VRK2: variants seen among roughly 807,000 people sequenced by gnomAD.
VRK2 encodes the protein serine/threonine-protein kinase VRK2.
Under a neutral mutation model 57.6 loss-of-function variants are expected in VRK2, and 60 were observed. The ratio of observed to expected loss-of-function variants is 1.04; its 90% CI spans 0.85 to 1.29. The LOEUF (loss-of-function observed/expected upper bound fraction) is 1.29, where lower values mean the gene tolerates loss of function less well. VRK2 is among the 50% of genes most tolerant of loss of function. The probability of loss-of-function intolerance (pLI) is 0.00; values close to 1 mark genes in which losing one functional copy is unlikely to be tolerated. For missense variants in VRK2, 705 were observed against 588.1 expected (o/e 1.20, Z -2.06); for synonymous variants, 231 against 199.2 (o/e 1.16, Z -1.35).
chr2:57,973,202 G>C (rs965496481), intron 1 of VRK2, among the ~76,000 whole-genome samples: 3 of 151,770 alleles, frequency 2.0e-5, no homozygotes, highest in African/African-American at 7.3e-5. Context: ...TTGGATTTTT[G>C]CCAACCTGAT....
chr2:58,134,667 C>T (rs960717072), intron 9 of VRK2, among the ~76,000 whole-genome samples: 1 of 151,976 alleles, frequency 6.6e-6, no homozygotes, highest in South Asian at 2.1e-4. Context: ...TGGATCCCCC[C>T]GCCCCAGTTC....
intron 10 of VRK2, among the ~76,000 whole-genome samples, chr2:58,136,078 TAG>T (rs1448260074): frequency 2.6e-5 from 4 of 152,206 alleles, no homozygotes; most frequent in African/African-American, 7.2e-5. Context: ...GGTTGAGAAT[TAG>T]AGAGTTAAGT....
At chr2:58,045,938 G>A (rs1292962448), upstream of VRK2, among the ~76,000 whole-genome samples, 1 of 152,070 alleles carries the variant, frequency 6.6e-6, no homozygotes, top group Admixed American at 6.5e-5. Context: ...CTGCTTCCTG[G>A]GTTCAAGCGC....
chr2:58,077,105 CT>C (rs1161961713), intron 2 of VRK2, among the ~76,000 whole-genome samples: 2 of 151,938 alleles, frequency 1.3e-5, no homozygotes, highest in Non-Finnish European at 2.9e-5. Context: ...TTATCATTGT[CT>C]CTGTAACTCC....
chr2:57,917,621 TG>T (rs1314380984), intron 1 of VRK2, among the ~76,000 whole-genome samples: 1 of 150,982 alleles, frequency 6.6e-6, no homozygotes, highest in African/African-American at 2.4e-5. Context: ...ATATTTAGTT[TG>T]GGGTAATGGT....
chr2:57,947,641 A>T (rs936350652), intron 1 of VRK2, among the ~76,000 whole-genome samples: 2 of 152,198 alleles, frequency 1.3e-5, no homozygotes, highest in African/African-American at 4.8e-5. Context: ...TTAGTTCAAC[A>T]CAGCTCCTAC....
chr2:57,957,879 G>T (rs1456831327), intron 1 of VRK2, among the ~76,000 whole-genome samples: 1 of 152,082 alleles, frequency 6.6e-6, no homozygotes, highest in East Asian at 1.9e-4. Flanking sequence ...GAAAGCACCT[G>T]AAACAATAGA....
chr2:57,932,767 T>C (rs1189355065), intron 1 of VRK2, among the ~76,000 whole-genome samples: 1 of 152,126 alleles, frequency 6.6e-6, no homozygotes, highest in Non-Finnish European at 1.5e-5. Context: ...TAGTTCCTTG[T>C]GGTGTAAACT....
chr2:57,922,616 G>A (rs569176342), intron 1 of VRK2, among the ~76,000 whole-genome samples: 67 of 151,608 alleles, frequency 4.4e-4, no homozygotes, highest in Non-Finnish European at 1.6e-4. Context: ...TTTAATTTTT[G>A]TGGGTACATA....
intron 1 of VRK2, among the ~76,000 whole-genome samples, chr2:57,939,775 C>T (rs572340019): frequency 6.6e-6 from 1 of 152,130 alleles, no homozygotes; most frequent in African/African-American, 2.4e-5. Flanking sequence ...TCTGTTTACA[C>T]TTGCTTGAAA....
intron 3 of VRK2, among the ~76,000 whole-genome samples, chr2:58,040,850 G>A (rs193157218): frequency 6.6e-6 from 1 of 152,304 alleles, no homozygotes; most frequent in East Asian, 1.9e-4. Context: ...GGGAATAGAA[G>A]GTTCGTTCAA....
intron 7 of VRK2, among the ~76,000 whole-genome samples, chr2:58,101,622 T>C (rs974890363): frequency 3.3e-5 from 5 of 151,702 alleles, no homozygotes; most frequent in African/African-American, 1.2e-4. Context: ...TGTGCCACAC[T>C]TTCTCTTTCT....
At chr2:58,021,846 A>C (rs1673766143) in intron 1 of VRK2, among the ~76,000 whole-genome samples, 1 of 152,226 alleles carries the variant, frequency 6.6e-6, no homozygotes, top group Non-Finnish European at 1.5e-5. Flanking sequence ...AATATGATTG[A>C]AAGAAATTGT....
chr2:58,029,957 G>C (rs1023145551), intron 2 of VRK2, among the ~76,000 whole-genome samples: 2 of 152,110 alleles, frequency 1.3e-5, no homozygotes, highest in Non-Finnish European at 2.9e-5. Flanking sequence ...AATCTTCAGA[G>C]GCTAGTTATT....
intron 1 of VRK2, among the ~76,000 whole-genome samples, chr2:57,986,234 T>C (rs916068069): frequency 6.6e-6 from 1 of 151,920 alleles, no homozygotes; most frequent in Non-Finnish European, 1.5e-5. Context: ...AAAAAAAGAA[T>C]ACCTACATAA....
chr2:58,041,109 T>A, intron 3 of VRK2: 37 of 976,882 alleles, frequency 3.8e-5, no homozygotes, highest in Non-Finnish European at 4.5e-5. Flanking sequence ...TATAGTCTTA[T>A]AGTTAACCTT....
intron 5 of VRK2, among the ~76,000 whole-genome samples, chr2:58,086,718 A>G (rs1671669884): frequency 6.6e-6 from 1 of 152,192 alleles, no homozygotes. Flanking sequence ...TGGTAGGCCT[A>G]AGAAGATCTA....
chr2:58,117,155 C>G (rs996967137), intron 7 of VRK2, among the ~76,000 whole-genome samples: 8 of 152,064 alleles, frequency 5.3e-5, no homozygotes, highest in Non-Finnish European at 1.0e-4. Context: ...CTTTTAGGGT[C>G]TAGGGCTGTA....
intron 1 of VRK2, among the ~76,000 whole-genome samples, chr2:57,960,455 T>G (rs1446112168): frequency 6.6e-6 from 1 of 152,218 alleles, no homozygotes; most frequent in African/African-American, 2.4e-5. Context: ...CTTGAGAAAT[T>G]GTGGCCACAT....
Sources: gnomAD v4.1 joint callset for allele counts (sites outside exome capture counted in the v4.1 genomes callset) on GRCh38, gnomAD v4.1.1 for gene constraint, MANE v1.5 for transcripts, NCBI Gene and HGNC (gene_info 2026-07-23, HGNC 2026-07-21) for gene names.